The following KLF5 variants were observed in gnomAD, a reference collection of about 807,000 sequenced individuals.
KLF5 encodes KLF transcription factor 5.
A neutral mutation model predicts 36.9 loss-of-function variants in KLF5; 9 were observed. The ratio of observed to expected loss-of-function variants is 0.24; its 90% CI spans 0.15 to 0.43. The LOEUF (loss-of-function observed/expected upper bound fraction) is 0.43, where lower values mean the gene tolerates loss of function less well. KLF5 is among the 20% of genes least tolerant of loss of function. The pLI, the probability that KLF5 is intolerant of heterozygous loss-of-function variation, is 1.00. For missense variants in KLF5, 524 were observed against 599.5 expected (o/e 0.87, Z 1.31); for synonymous variants, 246 against 241.7 (o/e 1.02, Z -0.17).
In KLF5 at chr13:73,059,131, G is replaced by A. The variant is rs2044607737; in HGVS notation, c.-197G>A. 2 of 433,522 alleles carry A rather than the reference G, an allele frequency of 4.6e-6. No homozygotes were observed. The highest frequency in any genetic ancestry group is 8.6e-5 in the South Asian group (1 of 11,688). The allele number at this position is 433,522 out of a possible 1,614,324, so 26.9% of individuals were successfully genotyped here. Reference sequence around the variant, plus strand: ...GAAAGTGGCCGCCCGGAGGACGTTGGCGTTTACGTGTGGAAGAGCGGAAGA... The same window carrying A: ...GAAAGTGGCCGCCCGGAGGACGTTGACGTTTACGTGTGGAAGAGCGGAAGA... On this transcript the variant is annotated 5_prime_UTR_variant, in exon 1 of 4. Transcript: ENST00000377687.
In KLF5 at chr13:73,062,614, C is replaced by G. The variant is rs2044645796; in HGVS notation, c.1015C>G (p.His339Asp). ...TACAATTGCTTCTAAACTGGCAATT[C>G]ACAATCCAAATTTACCCACCACCCT... ...AATIASKLAI[H>D]NPNLPTTLPV... The change falls in exon 2 of 4, where the codon CAC becomes GAC. Residue 339 changes from histidine (H) to aspartate (D), a missense_variant. Physicochemically the swap from His to Asp is moderately conservative, Grantham distance 81. Coordinates refer to ENST00000377687, the MANE Select transcript of KLF5 (RefSeq NM_001730.5). 3 of 1,614,214 alleles carry G rather than the reference C, an allele frequency of 1.9e-6. No homozygotes were observed. The East Asian group carries it at 6.7e-5, about 36-fold the overall frequency.
chr13:73,074,211 A>T (rs1289175301), intron 3 of KLF5, among the ~76,000 whole-genome samples: 1 of 152,214 alleles, frequency 6.6e-6, no homozygotes, highest in Admixed American at 6.5e-5. Flanking sequence ...ATTAACCACA[A>T]ATTGTAGAAA....
chr13:73,068,207 C>T (rs918934127), intron 3 of KLF5, among the ~76,000 whole-genome samples: 1 of 152,124 alleles, frequency 6.6e-6, no homozygotes, highest in South Asian at 2.1e-4. Flanking sequence ...CACATTAAGT[C>T]CTGGAAAGAT....
chr13:73,058,992 G>C (rs971797434), upstream of KLF5: 1 of 205,064 alleles, frequency 4.9e-6, no homozygotes, highest in Non-Finnish European at 9.8e-6. Flanking sequence ...AGAGGCGGGC[G>C]TCAAGTGTCA....
intron 3 of KLF5, among the ~76,000 whole-genome samples, chr13:73,067,759 A>G (rs1453087851): frequency 1.3e-5 from 2 of 152,138 alleles, no homozygotes; most frequent in Non-Finnish European, 1.5e-5. Flanking sequence ...GAGATTGACA[A>G]TGGAAAAGGA....
chr13:73,060,096 G>C (rs1011440108), intron 1 of KLF5, among the ~76,000 whole-genome samples: 1 of 150,402 alleles, frequency 6.6e-6, no homozygotes, highest in Admixed American at 6.6e-5. Flanking sequence ...GCGATTGCGG[G>C]CCGCGTTTGG....
At chr13:73,075,455 T>G (rs1003026978) in intron 3 of KLF5, among the ~76,000 whole-genome samples, 1 of 152,168 alleles carries the variant, frequency 6.6e-6, no homozygotes, top group Non-Finnish European at 1.5e-5. Context: ...AAATTGTTAT[T>G]CTTCAGTTGT....
Position 73,062,399 on chromosome 13 carries a change from C to A in KLF5, c.800C>A (p.Thr267Asn), listed in dbSNP as rs780398922. ...SAAMAGLNTH[T>N]SAVPQTAVKQ... is the part of the protein sequence containing the mutation. The stretch of plus-strand genomic sequence containing the variant: ...GCCATGGCAGGCCTTAACACACACA[C>A]CTCTGCTGTTCCGCAGACTGCAGTG... Residue 267 changes from threonine to asparagine, a missense_variant, in exon 2 of 4, where the codon ACC (threonine) becomes AAC (asparagine). Coordinates refer to ENST00000377687, the MANE Select transcript of KLF5 (RefSeq NM_001730.5). The A allele has an allele frequency of 7.7e-5, 124 of 1,614,086 alleles. 1 individual carries two copies. Among genetic ancestry groups the A allele is most frequent in the South Asian group, 6.9e-4 (63 of 91,092 alleles).
intron 3 of KLF5, among the ~76,000 whole-genome samples, chr13:73,065,374 C>G (rs2044671496): frequency 6.6e-6 from 1 of 152,216 alleles, no homozygotes; most frequent in African/African-American, 2.4e-5. Context: ...GTGATAAACA[C>G]TACTTACTAA....
At chr13:73,071,590 T>C (rs1362437958) in intron 3 of KLF5, among the ~76,000 whole-genome samples, 1 of 152,220 alleles carries the variant, frequency 6.6e-6, no homozygotes, top group Non-Finnish European at 1.5e-5. Context: ...CCTATGAATT[T>C]CTTTAATAAG....
intron 3 of KLF5, among the ~76,000 whole-genome samples, chr13:73,070,569 A>G (rs762889856): frequency 6.6e-6 from 1 of 152,212 alleles, no homozygotes; most frequent in Non-Finnish European, 1.5e-5. Flanking sequence ...AGAGATTCCA[A>G]ATCTCTGCTA....
In KLF5 at chr13:73,059,307, G is replaced by T; in HGVS notation, c.-21G>T. ...GGGAAGTGCGCCCGACCCGCGCCTG[G>T]AGCTGCGCCCCCGAGTGCCCATGGC... On this transcript the variant is annotated 5_prime_UTR_variant, in exon 1 of 4. Transcript: ENST00000377687. The T allele has an allele frequency of 1.5e-6, 2 of 1,355,374 alleles. No homozygotes were observed. Among genetic ancestry groups the T allele is most frequent in the South Asian group, 1.7e-5 (1 of 59,162 alleles). 84.0% of individuals were successfully genotyped at this position (1,355,374 alleles called of 1,614,324 possible). A position where few individuals can be genotyped will look rare whatever the true frequency, so the allele number is the denominator to read the frequency against.
In KLF5 at chr13:73,059,207, G is replaced by C. The variant is rs980365242; in HGVS notation, c.-121G>C. ...AAAACTGCCTGCCGCTGTCTGAGGA[G>C]TCCACCCGAAACCTCCCCTCCTCCG... is the stretch of plus-strand genomic sequence containing the variant. On this transcript the variant is annotated 5_prime_UTR_variant, in exon 1 of 4. Transcript: ENST00000377687. 2 of 964,438 alleles carry C rather than the reference G, an allele frequency of 2.1e-6. No individual in the cohort carries two copies. The highest frequency in any genetic ancestry group is 2.7e-6 in the Non-Finnish European group (2 of 736,928). 59.7% of individuals were successfully genotyped at this position (964,438 alleles called of 1,614,324 possible).
Position 73,062,631 on chromosome 13 carries a change from C to G in KLF5, c.1032C>G (p.Pro344=), listed in dbSNP as rs2044646026. Residue 344 remains proline, a synonymous_variant, in exon 2 of 4, where the codon CCC becomes CCG. Transcript: ENST00000377687. ...SKLAIHNPNL[P]TTLPVNSQNI... is the part of the protein sequence containing the mutation. Reference sequence around the variant, plus strand: ...TGGCAATTCACAATCCAAATTTACCCACCACCCTGCCAGTTAACTCACAAA... The same window carrying G: ...TGGCAATTCACAATCCAAATTTACCGACCACCCTGCCAGTTAACTCACAAA... 1 of 1,614,066 alleles carries G rather than the reference C, an allele frequency of 6.2e-7. No homozygotes were observed. The highest frequency in any genetic ancestry group is 8.5e-7 in the Non-Finnish European group (1 of 1,180,030).
upstream of KLF5, among the ~76,000 whole-genome samples, chr13:73,055,685 T>C (rs1051458524): frequency 3.3e-5 from 5 of 152,198 alleles, no homozygotes; most frequent in African/African-American, 4.8e-5. Flanking sequence ...AACAGGGGTG[T>C]GCAATCAATG....
At chr13:73,072,588 T>A (rs1204784199) in intron 3 of KLF5, among the ~76,000 whole-genome samples, 1 of 152,196 alleles carries the variant, frequency 6.6e-6, no homozygotes. Context: ...AATGGAAGAT[T>A]TAAGTGAGAC....
intron 3 of KLF5, among the ~76,000 whole-genome samples, chr13:73,071,543 C>T (rs1210664436): frequency 6.6e-6 from 1 of 151,052 alleles, no homozygotes; most frequent in Non-Finnish European, 1.5e-5. Context: ...AATCATCCTC[C>T]TACTTTATCT....
chr13:73,060,751 C>T (rs548082960), intron 1 of KLF5: 1 of 152,168 alleles, frequency 6.6e-6, no homozygotes, highest in African/African-American at 2.4e-5. Context: ...AATATATGCG[C>T]CATTCCATCT....
At chr13:73,062,856 G>A (rs2044649957) in intron 2 of KLF5, 122 bp downstream of exon 2, 8 of 775,912 alleles carry the variant, frequency 1.0e-5, no homozygotes, top group Non-Finnish European at 1.6e-5. Flanking sequence ...CTTTAAATAG[G>A]AAAGTTGTAC....
Sources: allele counts gnomAD v4.1 joint callset (sites outside exome capture counted in the v4.1 genomes callset), GRCh38; gene constraint gnomAD v4.1.1; transcripts MANE v1.5; gene names NCBI Gene and HGNC (gene_info 2026-07-23, HGNC 2026-07-21).